The following TACC2 variants were observed in gnomAD, a reference collection of about 807,000 sequenced individuals.
TACC2 encodes transforming acidic coiled-coil-containing protein 2.
TACC2 carries 137 observed loss-of-function variants against 227.3 expected under a neutral mutation model. That is an observed-to-expected ratio of 0.60 (90% CI 0.52 to 0.69). The LOEUF is 0.69. TACC2 is among the 30% of genes least tolerant of loss of function. The probability of loss-of-function intolerance (pLI) is 0.00; values close to 1 mark genes in which losing one functional copy is unlikely to be tolerated. For synonymous variants in TACC2, 1,523 were observed against 1,487.5 expected (o/e 1.02, Z -0.55); for missense variants, 3,470 against 3,694.4 (o/e 0.94, Z 1.57).
At position 122,211,173 on chromosome 10, in the gene TACC2, A is replaced by G. The variant is rs369011900; in HGVS notation, c.6748A>G (p.Ser2250Gly). ...PEAGEVTPSD[S>G]GGQEDSPAKG... is the part of the protein sequence containing the mutation. ...GGCAGGGGAGGTAACCCCATCGGAT[A>G]GCGGGGGGCAAGAGGACTCTCCAGC... Residue 2250 changes from serine (S) to glycine (G), a missense_variant, in exon 9 of 23, where the codon AGC becomes GGC. Coordinates refer to ENST00000369005, the MANE Select transcript of TACC2 (RefSeq NM_206862.4). The G allele has an allele frequency of 6.2e-7, 1 of 1,612,366 alleles. No individual in the cohort carries two copies. The highest frequency in any genetic ancestry group is 1.1e-5 in the South Asian group (1 of 90,758).
intron 19 of TACC2, chr10:122,247,902 A>C (rs2096162881): frequency 6.6e-6 from 1 of 152,202 alleles, no homozygotes; most frequent in African/African-American, 2.4e-5. Flanking sequence ...CTAAAAATAT[A>C]CATTTTCTAG....
intron 7 of TACC2, among the ~76,000 whole-genome samples, chr10:122,177,086 T>C (rs2093753764): frequency 1.3e-5 from 2 of 152,204 alleles, no homozygotes; most frequent in Admixed American, 1.3e-4. Flanking sequence ...TTGATGGATA[T>C]CATTGTGTTT....
chr10:122,175,258 C>T (rs145384489), intron 7 of TACC2, among the ~76,000 whole-genome samples: 79 of 152,258 alleles, frequency 5.2e-4, no homozygotes, highest in African/African-American at 1.6e-3. Context: ...CCTGGCCTGG[C>T]TTTGTATTTT....
chr10:122,239,213 T>C (rs1307798431), intron 18 of TACC2, among the ~76,000 whole-genome samples: 1 of 152,190 alleles, frequency 6.6e-6, no homozygotes, highest in East Asian at 1.9e-4. Flanking sequence ...TTTACCATGT[T>C]GGCCAGGCTG....
rs1259806348 is a variant in TACC2 at position 122,227,893 on chromosome 10, C to G, written c.7781C>G (p.Pro2594Arg). The change falls in exon 14 of 23, where the codon CCT becomes CGT. Residue 2594 changes from proline to arginine, a missense_variant. This residue lies in a region of TACC2 where 345 missense variants were observed against 354.4 expected (regional missense o/e 0.97). Transcript: ENST00000369005. ...AACACTGCTGCGAAAAACCAGCATCCTGTCCCACGAGGACTGGCCCCTAAC... is the reference window on the plus strand; with the variant it reads ...AACACTGCTGCGAAAAACCAGCATCGTGTCCCACGAGGACTGGCCCCTAAC... ...LVNTAAKNQH[P>R]VPRGLAPNQE... 1.5e-5 allele frequency: 25 copies of G among 1,614,152 alleles called. No individual in the cohort carries two copies. Among genetic ancestry groups the G allele is most frequent in the Non-Finnish European group, 2.0e-5 (24 of 1,180,054 alleles).
chr10:122,226,063 G>A (rs1361627980), intron 12 of TACC2, among the ~76,000 whole-genome samples: 1 of 152,170 alleles, frequency 6.6e-6, no homozygotes, highest in Non-Finnish European at 1.5e-5. Context: ...CCCAGAGAGC[G>A]TGCTCAGTAA....
At chr10:122,146,195 G>T (rs1410970512) in intron 7 of TACC2, among the ~76,000 whole-genome samples, 1 of 152,120 alleles carries the variant, frequency 6.6e-6, no homozygotes, top group African/African-American at 2.4e-5. Flanking sequence ...GGGTTTATGT[G>T]TGGGCTGGGC....
At chr10:122,055,209 G>A (rs956747779) in intron 3 of TACC2, among the ~76,000 whole-genome samples, 4 of 151,338 alleles carry the variant, frequency 2.6e-5, no homozygotes, top group African/African-American at 9.7e-5. Flanking sequence ...GACAGAGCAA[G>A]ACGCCGTCTC....
At chr10:122,169,066 T>C (rs1040318531) in intron 7 of TACC2, among the ~76,000 whole-genome samples, 4 of 152,244 alleles carry the variant, frequency 2.6e-5, no homozygotes, top group African/African-American at 9.6e-5. Context: ...AAGAACTGAC[T>C]GAGTCAGAAC....
At chr10:122,215,341 G>C in intron 9 of TACC2, 50 bp from the exon 10 acceptor site, 1 of 1,540,048 alleles carries the variant, frequency 6.5e-7, no homozygotes, top group Non-Finnish European at 9.0e-7. Flanking sequence ...CTGCTCTGGA[G>C]TGTTCCGTCC....
intron 5 of TACC2, among the ~76,000 whole-genome samples, chr10:122,115,244 C>A (rs1214884305): frequency 6.6e-6 from 1 of 151,832 alleles, no homozygotes; most frequent in African/African-American, 2.4e-5. Flanking sequence ...ATGACACAGC[C>A]CCCACCTTCA....
chr10:122,090,546 C>CAAAAAAAAA, intron 5 of TACC2, among the ~76,000 whole-genome samples: 1 of 41,078 alleles, frequency 2.4e-5, no homozygotes, highest in Non-Finnish European at 5.1e-5. Context: ...GACTCTATCT[C>CAAAAAAAAA]AAAAAAAAAA....
intron 7 of TACC2, among the ~76,000 whole-genome samples, chr10:122,153,610 C>T (rs1031697932): frequency 6.6e-6 from 1 of 152,214 alleles, no homozygotes; most frequent in African/African-American, 2.4e-5. Flanking sequence ...CTTGTTTTTT[C>T]ACAAAACAGC....
intron 8 of TACC2, among the ~76,000 whole-genome samples, chr10:122,198,471 A>C (rs1265406005): frequency 1.3e-5 from 2 of 152,134 alleles, no homozygotes; most frequent in African/African-American, 4.8e-5. Context: ...TCATAATTAC[A>C]TGTCATGTAA....
chr10:122,096,855 T>C (rs958024483), intron 5 of TACC2, among the ~76,000 whole-genome samples: 6 of 152,226 alleles, frequency 3.9e-5, no homozygotes, highest in African/African-American at 1.4e-4. Context: ...CCCTTCTTTC[T>C]TCTCTGCTTT....
intron 2 of TACC2, among the ~76,000 whole-genome samples, chr10:122,045,761 A>G (rs1000896552): frequency 1.3e-5 from 2 of 152,362 alleles, no homozygotes; most frequent in South Asian, 4.1e-4. Flanking sequence ...AATGGATGTC[A>G]AAGAGCTTTG....
rs1203132721 is a variant in TACC2 at position 122,211,196 on chromosome 10, A to G, written c.6771A>G (p.Pro2257=). 1 of 1,613,730 alleles carries G rather than the reference A, an allele frequency of 6.2e-7. No individual in the cohort carries two copies. The highest frequency in any genetic ancestry group is 1.7e-5 in the Admixed American group (1 of 59,944). ...PSDSGGQEDS[P]AKGLSVRLEF... ...ATAGCGGGGGGCAAGAGGACTCTCC[A>G]GCCAAAGGGCTCTCCGTAAGGCTGG... Residue 2257 remains proline, a synonymous_variant, in exon 9 of 23, where the codon CCA becomes CCG. Coordinates refer to ENST00000369005, the MANE Select transcript of TACC2 (RefSeq NM_206862.4).
intron 1 of TACC2, among the ~76,000 whole-genome samples, chr10:121,999,196 A>G (rs576725104): frequency 6.6e-6 from 1 of 152,138 alleles, no homozygotes; most frequent in South Asian, 2.1e-4. Context: ...TTTAGTAGAG[A>G]CAGGGTTTCA....
intron 8 of TACC2, among the ~76,000 whole-genome samples, chr10:122,196,439 G>A (rs924254183): frequency 1.3e-5 from 2 of 152,146 alleles, no homozygotes; most frequent in African/African-American, 4.8e-5. Flanking sequence ...GGATTTTGCT[G>A]AGTCAGTGTA....
Sources: allele counts gnomAD v4.1 joint callset (sites outside exome capture counted in the v4.1 genomes callset), GRCh38; gene constraint gnomAD v4.1.1; regional missense constraint gnomAD v4.1.1; transcripts MANE v1.5; gene names NCBI Gene and HGNC (gene_info 2026-07-23, HGNC 2026-07-21).